The following PEPD variants were observed in gnomAD, a reference collection of about 807,000 sequenced individuals.
The protein encoded by PEPD is xaa-Pro dipeptidase.
PEPD carries 53 observed loss-of-function variants against 60.7 expected under a neutral mutation model. The observed-to-expected ratio is 0.87, with a 90% CI of 0.70 to 1.10. The LOEUF (loss-of-function observed/expected upper bound fraction) is 1.10, where lower values mean the gene tolerates loss of function less well. Ranked by LOEUF, PEPD falls within the 50% of genes least tolerant of loss-of-function variation. The pLI is 0.00. For synonymous variants in PEPD, 267 were observed against 284.1 expected (o/e 0.94, Z 0.60); for missense variants, 711 against 711.9 (o/e 1.00, Z 0.01).
At chr19:33,516,056 C>G (rs1479770104) in intron 1 of PEPD, among the ~76,000 whole-genome samples, 1 of 152,140 alleles carries the variant, frequency 6.6e-6, no homozygotes, top group Non-Finnish European at 1.5e-5. Context: ...ACAGAACCCA[C>G]CCTGTGCAGG....
chr19:33,400,820 G>A (rs1297423535), intron 12 of PEPD, among the ~76,000 whole-genome samples: 1 of 152,220 alleles, frequency 6.6e-6, no homozygotes, highest in African/African-American at 2.4e-5. Flanking sequence ...ATTGTTGCAG[G>A]GCAGAGAGCT....
chr19:33,444,373 A>G (rs1320267641), intron 9 of PEPD, among the ~76,000 whole-genome samples: 2 of 152,098 alleles, frequency 1.3e-5, no homozygotes, highest in Non-Finnish European at 2.9e-5. Flanking sequence ...TTTAAGCAGG[A>G]AACAGCGACT....
At chr19:33,407,377 G>T (rs1223004986) in intron 11 of PEPD, among the ~76,000 whole-genome samples, 1 of 152,236 alleles carries the variant, frequency 6.6e-6, no homozygotes, top group African/African-American at 2.4e-5. Flanking sequence ...GGCCTGCAGT[G>T]GCTCTGGTGC....
chr19:33,472,539 A>C (rs1428277893), intron 7 of PEPD, among the ~76,000 whole-genome samples: 2 of 152,094 alleles, frequency 1.3e-5, no homozygotes, highest in African/African-American at 4.8e-5. Context: ...CTACAGACCA[A>C]AAATCACAAA....
At chr19:33,434,003 G>C (rs902030331) in intron 9 of PEPD, among the ~76,000 whole-genome samples, 1 of 151,972 alleles carries the variant, frequency 6.6e-6, no homozygotes, top group Non-Finnish European at 1.5e-5. Flanking sequence ...GAAGACCCCA[G>C]GACATTTCTT....
intron 12 of PEPD, among the ~76,000 whole-genome samples, chr19:33,401,332 G>A (rs1223808344): frequency 2.6e-5 from 4 of 152,242 alleles, no homozygotes; most frequent in African/African-American, 9.6e-5. Context: ...GTCACAGAGC[G>A]CTGAGCGGCA....
intron 5 of PEPD, among the ~76,000 whole-genome samples, chr19:33,492,513 C>T (rs558156618): frequency 1.3e-5 from 2 of 152,262 alleles, no homozygotes; most frequent in African/African-American, 4.8e-5. Context: ...TATCCATCAC[C>T]TCAAGCATTT....
chr19:33,502,245 T>C (rs1970726237), intron 3 of PEPD, among the ~76,000 whole-genome samples: 1 of 152,148 alleles, frequency 6.6e-6, no homozygotes, highest in Admixed American at 6.5e-5. Context: ...ACGGGCTCTA[T>C]CCCCAGCCGT....
chr19:33,436,001 G>A (rs1290124124), intron 9 of PEPD, among the ~76,000 whole-genome samples: 1 of 152,228 alleles, frequency 6.6e-6, no homozygotes, highest in Non-Finnish European at 1.5e-5. Context: ...TGGGTCTGAG[G>A]TTAGCGCAGC....
chr19:33,471,771 A>G (rs1230392916), intron 7 of PEPD, among the ~76,000 whole-genome samples: 1 of 152,222 alleles, frequency 6.6e-6, no homozygotes, highest in Non-Finnish European at 1.5e-5. Flanking sequence ...GCACCTTGGG[A>G]GGCCAAGGCT....
intron 7 of PEPD, among the ~76,000 whole-genome samples, chr19:33,464,993 A>C (rs1969994211): frequency 6.6e-6 from 1 of 151,916 alleles, no homozygotes; most frequent in Admixed American, 6.6e-5. Context: ...GTTCAGCTCC[A>C]CCCCTTCCCA....
In PEPD at chr19:33,405,954, C is replaced by T. The variant is rs980773819; in HGVS notation, c.819-4085G>A. On this transcript the variant is annotated intron_variant, in intron 11 of 14. Coordinates refer to ENST00000244137, the MANE Select transcript of PEPD (RefSeq NM_000285.4). ...GACGGGAGCAGCTGCGTCCTGTGGG[C>T]CTCCTGGGTGTCTGGAGGGAACTGG... 5.9e-5 allele frequency among the ~76,000 whole-genome samples: 9 copies of T among 152,220 alleles called. 1 individual carries two copies. The highest frequency in any genetic ancestry group is 2.9e-5 in the Non-Finnish European group (2 of 68,038).
intron 11 of PEPD, among the ~76,000 whole-genome samples, chr19:33,405,121 C>T (rs960958260): frequency 1.2e-4 from 19 of 152,224 alleles, no homozygotes; most frequent in African/African-American, 3.9e-4. Flanking sequence ...AACGTGCTGG[C>T]GTCTCACTCC....
chr19:33,477,682 C>A (rs1158022723), intron 7 of PEPD, among the ~76,000 whole-genome samples: 1 of 152,230 alleles, frequency 6.6e-6, no homozygotes, highest in Non-Finnish European at 1.5e-5. Flanking sequence ...TGTCAAGACA[C>A]ATGCGTGACA....
Position 33,478,167 on chromosome 19 carries a change from A to G in PEPD, c.504-77T>C, listed in dbSNP as rs146834287. The stretch of plus-strand genomic sequence containing the variant: ...CAGCAAGAACTACCTCATTCAAGAC[A>G]TGCACACGTGATGCATTAAAGAGGG... On this transcript the variant is annotated intron_variant, in intron 6 of 14. Transcript: ENST00000244137. 2.2e-4 allele frequency: 205 copies of G among 922,420 alleles called. No individual in the cohort carries two copies. In the African/African-American group the frequency reaches 2.9e-3, roughly 13 times the overall value. The allele number at this position is 922,420 out of a possible 1,614,324, so 57.1% of individuals were successfully genotyped here. A position where few individuals can be genotyped will look rare whatever the true frequency, so the allele number is the denominator to read the frequency against.
intron 9 of PEPD, among the ~76,000 whole-genome samples, chr19:33,414,380 G>A (rs1400030668): frequency 6.6e-6 from 1 of 152,232 alleles, no homozygotes; most frequent in Non-Finnish European, 1.5e-5. Flanking sequence ...CTCTAGGATG[G>A]CGGATGGTAG....
chr19:33,413,722 G>T (rs1968831270), intron 9 of PEPD, 79 bp from the exon 10 acceptor site: 2 of 857,876 alleles, frequency 2.3e-6, no homozygotes, highest in Non-Finnish European at 3.8e-6. Flanking sequence ...AACCCCAAGG[G>T]AAGGCCCTCG....
In PEPD at chr19:33,485,992, C is replaced by G. The variant is rs1044972373; in HGVS notation, c.503+4004G>C. On this transcript the variant is annotated intron_variant, in intron 6 of 14. Coordinates refer to ENST00000244137, the MANE Select transcript of PEPD (RefSeq NM_000285.4). ...AAGGCATGGAAACTTGATGGACAGGCATCCCTCAGCTCAGGCCACCCAGCC... is the reference window on the plus strand; with the variant it reads ...AAGGCATGGAAACTTGATGGACAGGGATCCCTCAGCTCAGGCCACCCAGCC... 3.9e-5 allele frequency among the ~76,000 whole-genome samples: 6 copies of G among 152,178 alleles called. No homozygotes were observed. In the East Asian group the frequency reaches 9.7e-4, roughly 25 times the overall value.
At chr19:33,492,089 G>T (rs1264235802) in intron 5 of PEPD, among the ~76,000 whole-genome samples, 2 of 151,672 alleles carry the variant, frequency 1.3e-5, no homozygotes, top group African/African-American at 2.4e-5. Context: ...CACTTTGGGG[G>T]GAAGGCTTGT....
Sources: gnomAD v4.1 joint callset for allele counts (sites outside exome capture counted in the v4.1 genomes callset) on GRCh38, gnomAD v4.1.1 for gene constraint, MANE v1.5 for transcripts, NCBI Gene and HGNC (gene_info 2026-07-23, HGNC 2026-07-21) for gene names.